The following EBF2 variants were observed in gnomAD, a reference collection of about 807,000 sequenced individuals.
The protein encoded by EBF2 is EBF transcription factor 2.
Under a neutral mutation model 72.8 loss-of-function variants are expected in EBF2, and 21 were observed. That is an observed-to-expected ratio of 0.29 (90% CI 0.20 to 0.42). The LOEUF is 0.42. Among genes scored for constraint, EBF2 ranks in the 10% least tolerant of loss-of-function variants. The pLI, the probability that EBF2 is intolerant of heterozygous loss-of-function variation, is 1.00. For synonymous variants in EBF2, 299 were observed against 274.2 expected (o/e 1.09, Z -0.89); for missense variants, 637 against 731.2 (o/e 0.87, Z 1.49).
intron 6 of EBF2, among the ~76,000 whole-genome samples, chr8:25,943,311 C>CAAAAAAAAA (rs71551840): frequency 1.7e-4 from 10 of 59,084 alleles, no homozygotes; most frequent in African/African-American, 3.2e-4. Context: ...TGTCTCTACA[C>CAAAAAAAAA]AAAAAAAAAA....
chr8:26,040,719 G>C (rs200424093), intron 3 of EBF2, 48 bp from the exon 4 acceptor site: 3 of 1,547,130 alleles, frequency 1.9e-6, no homozygotes, highest in Non-Finnish European at 1.7e-6. Flanking sequence ...AGCCCCTTCC[G>C]GGCACCCCAA....
intron 7 of EBF2, among the ~76,000 whole-genome samples, chr8:25,907,825 A>C (rs559077303): frequency 6.6e-6 from 1 of 152,324 alleles, no homozygotes; most frequent in Admixed American, 6.5e-5. Flanking sequence ...GGGTCCTTCA[A>C]AGCTCAAGGA....
At chr8:26,042,425 A>T (rs1805619251) in intron 1 of EBF2, among the ~76,000 whole-genome samples, 174 bp from the exon 2 acceptor site, 1 of 152,110 alleles carries the variant, frequency 6.6e-6, no homozygotes, top group South Asian at 2.1e-4. Flanking sequence ...TCCTTAAAGG[A>T]GTCACCGTGG....
intron 10 of EBF2, among the ~76,000 whole-genome samples, chr8:25,878,348 G>C (rs1323593618): frequency 2.0e-5 from 3 of 152,194 alleles, no homozygotes; most frequent in Non-Finnish European, 4.4e-5. Flanking sequence ...AGTGCTTCAG[G>C]GTGGCTGGAA....
intron 6 of EBF2, among the ~76,000 whole-genome samples, chr8:25,949,834 T>A (rs1803829108): frequency 6.6e-6 from 1 of 152,228 alleles, no homozygotes; most frequent in Non-Finnish European, 1.5e-5. Context: ...AAACTTGGCC[T>A]ACTTCACAGT....
chr8:25,957,543 T>G (rs1203873994), intron 6 of EBF2, among the ~76,000 whole-genome samples: 1 of 152,118 alleles, frequency 6.6e-6, no homozygotes, highest in Non-Finnish European at 1.5e-5. Flanking sequence ...TTGAGTTATT[T>G]AACTACATCC....
At chr8:26,005,265 TATAATATATATAATTATATAATTATATA>T (rs1804823378) in intron 6 of EBF2, among the ~76,000 whole-genome samples, 1 of 13,422 alleles carries the variant, frequency 7.5e-5, no homozygotes, top group African/African-American at 3.0e-4. Flanking sequence ...ATATATAATA[TATAATATATATAATTATATAATTATATA>T]ATTATATATA....
intron 6 of EBF2, among the ~76,000 whole-genome samples, chr8:26,007,814 A>G (rs1804906936): frequency 6.7e-6 from 1 of 149,562 alleles, no homozygotes; most frequent in Admixed American, 6.6e-5. Context: ...ACACACACAT[A>G]CACACACACA....
At chr8:25,935,455 T>C (rs1373410118) in intron 6 of EBF2, among the ~76,000 whole-genome samples, 2 of 152,166 alleles carry the variant, frequency 1.3e-5, no homozygotes, top group Non-Finnish European at 2.9e-5. Flanking sequence ...GCAGTGGCTG[T>C]TGTCAGGGGT....
At chr8:26,001,698 G>A (rs189243478) in intron 6 of EBF2, among the ~76,000 whole-genome samples, 20 of 152,098 alleles carry the variant, frequency 1.3e-4, no homozygotes, top group African/African-American at 3.9e-4. Flanking sequence ...ACAGGGACGC[G>A]CCACCATGCC....
At chr8:25,920,184 T>A (rs1384373531) in intron 6 of EBF2, among the ~76,000 whole-genome samples, 1 of 152,248 alleles carries the variant, frequency 6.6e-6, no homozygotes. Flanking sequence ...AATAATGTCC[T>A]CACCTTTCAG....
In EBF2 at chr8:25,842,012, A is replaced by G. The variant is rs1221345491; in HGVS notation, c.*2597T>C. 1 of 152,234 alleles carries G rather than the reference A, an allele frequency of 6.6e-6. No individual in the cohort carries two copies. Among genetic ancestry groups the G allele is most frequent in the Non-Finnish European group, 1.5e-5 (1 of 68,052 alleles). The allele number at this position is 152,234 out of a possible 1,614,324, so 9.4% of individuals were successfully genotyped here. On this transcript the variant is annotated 3_prime_UTR_variant, in exon 16 of 16. Transcript: ENST00000520164. ...CCATGCATATTGAAATGTGCAAAGA[A>G]AAACTGAGAAGAATTACAACGCTAT... is the stretch of plus-strand genomic sequence containing the variant.
chr8:25,842,232 A>G lies in EBF2; in HGVS notation c.*2377T>C, dbSNP rs781661712. ...CGAGGACAGGGTAGCTTTGTTTTTA[A>G]TTTATTAGTACACTAAAAATAATCC... On this transcript the variant is annotated 3_prime_UTR_variant, in exon 16 of 16. Transcript: ENST00000520164. 1.1e-4 allele frequency: 17 copies of G among 152,176 alleles called. No homozygotes were observed. Among genetic ancestry groups the G allele is most frequent in the Non-Finnish European group, 2.1e-4 (14 of 68,030 alleles). The allele number at this position is 152,176 out of a possible 1,614,324, so 9.4% of individuals were successfully genotyped here. A position where few individuals can be genotyped will look rare whatever the true frequency, so the allele number is the denominator to read the frequency against.
intron 6 of EBF2, among the ~76,000 whole-genome samples, chr8:25,912,497 C>CACACA (rs1018117434): frequency 4.4e-4 from 58 of 132,232 alleles, no homozygotes; most frequent in Non-Finnish European, 7.6e-4. Flanking sequence ...CACACACACA[C>CACACA]AACAGGAAGA....
intron 6 of EBF2, among the ~76,000 whole-genome samples, chr8:26,008,560 T>C (rs1804921453): frequency 6.6e-6 from 1 of 152,140 alleles, no homozygotes; most frequent in South Asian, 2.1e-4. Flanking sequence ...AAGTACTCAC[T>C]GAGATCACTG....
intron 8 of EBF2, 30 bp from the exon 9 acceptor site, chr8:25,888,002 T>G: frequency 6.3e-7 from 1 of 1,585,078 alleles, no homozygotes; most frequent in Non-Finnish European, 8.6e-7. Context: ...AAAGTCAGGT[T>G]TGTTCTTTCA....
chr8:25,942,571 T>C (rs776320285), intron 6 of EBF2, among the ~76,000 whole-genome samples: 1 of 152,122 alleles, frequency 6.6e-6, no homozygotes, highest in Non-Finnish European at 1.5e-5. Flanking sequence ...TGGGGCAGAG[T>C]CTAACCCCAG....
At chr8:25,907,554 C>T (rs1324130046) in intron 7 of EBF2, among the ~76,000 whole-genome samples, 2 of 151,838 alleles carry the variant, frequency 1.3e-5, no homozygotes, top group African/African-American at 2.4e-5. Flanking sequence ...CAAACAACTC[C>T]TCCCGGCTCC....
At chr8:26,005,561 T>TAGAG (rs1554481009) in intron 6 of EBF2, among the ~76,000 whole-genome samples, 247 of 63,830 alleles carry the variant, frequency 3.9e-3, no homozygotes, top group Non-Finnish European at 5.2e-3. Flanking sequence ...TATATATATA[T>TAGAG]AGAGAGAGAG....
Sources: allele counts gnomAD v4.1 joint callset (sites outside exome capture counted in the v4.1 genomes callset), GRCh38; gene constraint gnomAD v4.1.1; transcripts MANE v1.5; gene names NCBI Gene and HGNC (gene_info 2026-07-23, HGNC 2026-07-21).